The following ZBTB1 variants were observed in gnomAD, a reference collection of about 807,000 sequenced individuals.
ZBTB1 encodes zinc finger and BTB domain containing 1, also known as zinc finger and BTB domain-containing protein 1.
Under a neutral mutation model 51.6 loss-of-function variants are expected in ZBTB1, and 13 were observed. The observed-to-expected ratio is 0.25, with a 90% CI of 0.16 to 0.40. The LOEUF is 0.40. Among genes scored for constraint, ZBTB1 ranks in the 10% least tolerant of loss-of-function variants. The probability of loss-of-function intolerance (pLI) is 1.00; values close to 1 mark genes in which losing one functional copy is unlikely to be tolerated. For synonymous variants in ZBTB1, 240 were observed against 282.2 expected (o/e 0.85, Z 1.50); for missense variants, 567 against 856.5 (o/e 0.66, Z 4.22).
At chr14:64,509,882 CAGG>C (rs1163365184) in intron 1 of ZBTB1, among the ~76,000 whole-genome samples, 6 of 151,114 alleles carry the variant, frequency 4.0e-5, no homozygotes, top group Admixed American at 3.9e-4. Context: ...GAGGCTGAGG[CAGG>C]AGAATGGCGT....
chr14:64,527,237 G>A (rs977504651), downstream of ZBTB1, among the ~76,000 whole-genome samples: 1 of 152,048 alleles, frequency 6.6e-6, no homozygotes, highest in African/African-American at 2.4e-5. Flanking sequence ...CACCTTGGGA[G>A]GCCAAGGTGG....
Position 64,523,273 on chromosome 14 carries a change from G to A in ZBTB1, c.1769G>A (p.Arg590Gln). Reference protein sequence around the residue: ...CNLCGKGFYQRCHLREHYTVH... With the variant: ...CNLCGKGFYQQCHLREHYTVH... ...CTGTGTGGAAAAGGATTTTATCAGC[G>A]GTGTCACTTAAGAGAACACTATACT... Residue 590 changes from arginine (R) to glutamine (Q), a missense_variant, in exon 2 of 2, where the codon CGG becomes CAG. By Grantham distance (43) the Arg-to-Gln change is conservative. Transcript: ENST00000683701. This position sits in a 1 kb window ranked among gnomAD's most constrained non-coding sequence, Gnocchi z 4.5. 6.2e-7 allele frequency: 1 copy of A among 1,614,086 alleles called. No individual in the cohort carries two copies. Among genetic ancestry groups the A allele is most frequent in the Non-Finnish European group, 8.5e-7 (1 of 1,180,004 alleles).
At chr14:64,517,781 A>ATATATATATTTTTTTTTT (rs1160337478) in intron 1 of ZBTB1, among the ~76,000 whole-genome samples, 5 of 41,560 alleles carry the variant, frequency 1.2e-4, no homozygotes, top group Non-Finnish European at 1.4e-4. Flanking sequence ...ATATATATAT[A>ATATATATATTTTTTTTTT]TTTTTTTTTT....
At chr14:64,531,994 C>A in exon 3 of ZBTB1, 2 of 1,422,744 alleles carry the variant, frequency 1.4e-6, no homozygotes, top group Non-Finnish European at 1.9e-6. Context: ...GTGGCACCAT[C>A]TTTTCTGTCT....
At chr14:64,526,181 TACAGGGAAGC>T (rs1002060415), downstream of ZBTB1, among the ~76,000 whole-genome samples, 14 of 152,298 alleles carry the variant, frequency 9.2e-5, no homozygotes, top group Non-Finnish European at 1.8e-4. Flanking sequence ...TGGAGCTAGC[TACAGGGAAGC>T]ACAGGCTTCT....
At chr14:64,503,859 G>C (rs1218641022), upstream of ZBTB1, 1 of 151,628 alleles carries the variant, frequency 6.6e-6, no homozygotes, top group Non-Finnish European at 1.5e-5. Flanking sequence ...GCCGGGGTGT[G>C]CGTGCGTGCG....
intron 1 of ZBTB1, among the ~76,000 whole-genome samples, chr14:64,519,079 C>G (rs2079829986): frequency 6.8e-6 from 1 of 148,040 alleles, no homozygotes; most frequent in Admixed American, 6.7e-5. Context: ...GAGGGGTTAC[C>G]TCTGAAAAGA....
intron 1 of ZBTB1, among the ~76,000 whole-genome samples, chr14:64,507,552 T>C (rs1396846221): frequency 6.6e-6 from 1 of 152,226 alleles, no homozygotes; most frequent in Non-Finnish European, 1.5e-5. Context: ...TGTGCCTCAC[T>C]CTGCCTGGGG....
intron 1 of ZBTB1, 38 bp downstream of exon 1, chr14:64,504,984 T>G (rs1380325799): frequency 2.5e-6 from 1 of 392,924 alleles, no homozygotes; most frequent in Admixed American, 4.5e-5. Context: ...TTGCGCAACT[T>G]TGGCCCAGGC....
intron 1 of ZBTB1, among the ~76,000 whole-genome samples, chr14:64,515,141 G>A (rs1172560234): frequency 6.6e-6 from 1 of 152,070 alleles, no homozygotes. Flanking sequence ...CTGCACAGTG[G>A]GTATCCTTCT....
intron 1 of ZBTB1, among the ~76,000 whole-genome samples, chr14:64,506,902 G>C (rs946366438): frequency 1.3e-5 from 2 of 152,198 alleles, no homozygotes; most frequent in African/African-American, 4.8e-5. Flanking sequence ...CTTGTGCTTT[G>C]ATTTCAGTTT....
downstream of ZBTB1, among the ~76,000 whole-genome samples, chr14:64,525,961 A>C (rs1452529990): frequency 6.6e-6 from 1 of 152,170 alleles, no homozygotes; most frequent in African/African-American, 2.4e-5. Context: ...CTGGGATTAC[A>C]GGCGCATGCC....
At chr14:64,508,932 A>G (rs2140087619) in intron 1 of ZBTB1, among the ~76,000 whole-genome samples, 1 of 152,318 alleles carries the variant, frequency 6.6e-6, no homozygotes, top group Non-Finnish European at 1.5e-5. Context: ...AAAGCAGGGG[A>G]GCCAAATAAT....
chr14:64,521,463 C>T, intron 1 of ZBTB1, 24 bp from the exon 2 acceptor site: 1 of 1,517,940 alleles, frequency 6.6e-7, no homozygotes, highest in East Asian at 2.3e-5. Flanking sequence ...TCTTGTTTGA[C>T]TTTAATATTT....
At chr14:64,526,392 TAATG>T (rs983090009), downstream of ZBTB1, among the ~76,000 whole-genome samples, 4 of 152,160 alleles carry the variant, frequency 2.6e-5, no homozygotes, top group African/African-American at 9.7e-5. Context: ...GGTGTGAAGG[TAATG>T]AAACAAGTGT....
At chr14:64,505,371 CTGCAGACTTGGGCGCGCTCCGAGGG>C (rs2079634084) in intron 1 of ZBTB1, among the ~76,000 whole-genome samples, 1 of 152,148 alleles carries the variant, frequency 6.6e-6, no homozygotes, top group Non-Finnish European at 1.5e-5. Flanking sequence ...GAGCCCGAGG[CTGCAGACTTGGGCGCGCTCCGAGGG>C]AGGAGGCGTA....
intron 1 of ZBTB1, among the ~76,000 whole-genome samples, chr14:64,519,507 C>G (rs1234260494): frequency 1.3e-5 from 2 of 149,460 alleles, no homozygotes; most frequent in African/African-American, 4.9e-5. Context: ...CTCACACCCA[C>G]AATCCCAGCA....
At position 64,517,696 on chromosome 14, in the gene ZBTB1, G is replaced by T. The variant is rs1019945106; in HGVS notation, c.-18-3791G>T. On this transcript the variant is annotated intron_variant, in intron 1 of 1. Coordinates refer to ENST00000683701, the MANE Select transcript of ZBTB1 (RefSeq NM_001123329.2). ...ATTCTAACATAATTATGTATCCTGTGTTTATTTATTTGGCTCTCCATCTTG... is the reference window on the plus strand; with the variant it reads ...ATTCTAACATAATTATGTATCCTGTTTTTATTTATTTGGCTCTCCATCTTG... 5.1e-5 allele frequency among the ~76,000 whole-genome samples: 7 copies of T among 136,546 alleles called. 1 individual carries two copies. The highest frequency in any genetic ancestry group is 4.5e-4 in the Admixed American group (6 of 13,360). The allele number at this position is 136,546 out of a possible 152,430, so 89.6% of individuals were successfully genotyped here.
At chr14:64,510,335 A>G (rs11848179) in intron 1 of ZBTB1, among the ~76,000 whole-genome samples, 34,880 of 152,150 alleles carry the variant, frequency 0.23, 4,660 homozygotes, top group Non-Finnish European at 0.31. Context: ...GCCAGAATTT[A>G]AACCCAGGCA....
Sources: allele counts gnomAD v4.1 joint callset (sites outside exome capture counted in the v4.1 genomes callset), GRCh38; gene constraint gnomAD v4.1.1; non-coding constraint Gnocchi (gnomAD v3.1); transcripts MANE v1.5; gene names NCBI Gene and HGNC (gene_info 2026-07-23, HGNC 2026-07-21).